The following PON3 variants were observed in gnomAD, a reference collection of about 807,000 sequenced individuals.
PON3 encodes the protein paraoxonase 3.
A neutral mutation model predicts 36.3 loss-of-function variants in PON3; 37 were observed. The ratio of observed to expected loss-of-function variants is 1.02; its 90% confidence interval spans 0.78 to 1.34. The LOEUF (loss-of-function observed/expected upper bound fraction) is 1.34, where lower values mean the gene tolerates loss of function less well. Among genes scored for constraint, PON3 ranks in the 40% most tolerant of loss-of-function variants. PON3 has a pLI of 0.00. For missense variants in PON3, 415 were observed against 426.5 expected (o/e 0.97, Z 0.24); for synonymous variants, 155 against 154.8 (o/e 1.00, Z -0.01).
At chr7:95,381,544 G>C (rs899511228) in intron 3 of PON3, among the ~76,000 whole-genome samples, 2 of 152,034 alleles carry the variant, frequency 1.3e-5, no homozygotes, top group African/African-American at 4.8e-5. Flanking sequence ...AAAGGCAGGG[G>C]TTGCAATCCT....
chr7:95,365,919 T>C (rs912831831), intron 5 of PON3: 5 of 152,162 alleles, frequency 3.3e-5, no homozygotes, highest in Admixed American at 2.0e-4. Flanking sequence ...TTAAGGGTAC[T>C]CTATTTCAGC....
intron 6 of PON3, 108 bp from the exon 7 acceptor site, chr7:95,362,949 G>T: frequency 2.6e-6 from 2 of 764,596 alleles, no homozygotes; most frequent in South Asian, 1.4e-5. Flanking sequence ...AAGTACCACT[G>T]CAATCCTTTT....
At position 95,362,799 on chromosome 7, in the gene PON3, T is replaced by C; in HGVS notation, c.738A>G (p.Ile246Met). The C allele has an allele frequency of 6.2e-7, 1 of 1,612,228 alleles. No homozygotes were observed. The change falls in exon 7 of 9, where the codon ATA (isoleucine) becomes ATG (methionine). Residue 246 changes from isoleucine to methionine, a missense_variant. Coordinates refer to ENST00000265627, the MANE Select transcript of PON3 (RefSeq NM_000940.3). Reference sequence around the variant, plus strand: ...AATCCCAGTTATCATGTTTTTCCATTATGTGAATGTTCTTAGCTGCTACAT... The same window carrying C: ...AATCCCAGTTATCATGTTTTTCCATCATGTGAATGTTCTTAGCTGCTACAT... Reference protein sequence around the residue: ...VADVAAKNIHIMEKHDNWDLT... With the variant: ...VADVAAKNIHMMEKHDNWDLT...
intron 3 of PON3, among the ~76,000 whole-genome samples, chr7:95,383,243 A>G (rs1809103734): frequency 6.6e-6 from 1 of 152,226 alleles, no homozygotes; most frequent in South Asian, 2.1e-4. Context: ...CACAGCCAAT[A>G]TCATACTGAA....
At chr7:95,377,113 C>T (rs529570528) in intron 3 of PON3, among the ~76,000 whole-genome samples, 5 of 152,352 alleles carry the variant, frequency 3.3e-5, no homozygotes, top group South Asian at 2.1e-4. Flanking sequence ...TCTGGCTCGG[C>T]GGGTTCTACG....
At chr7:95,365,563 G>T (rs1265519165) in intron 5 of PON3, 3 of 152,256 alleles carry the variant, frequency 2.0e-5, no homozygotes, top group East Asian at 3.9e-4. Flanking sequence ...CAAGCAGTCA[G>T]TTAGCAGCGG....
At chr7:95,381,726 A>G (rs1002831320) in intron 3 of PON3, among the ~76,000 whole-genome samples, 4 of 152,190 alleles carry the variant, frequency 2.6e-5, no homozygotes, top group African/African-American at 9.7e-5. Context: ...ACCTACAAAG[A>G]GACTTAGACT....
rs1808524641 is a variant in PON3, at chr7:95,359,889, C to T, written c.*84G>A. 4 of 1,412,686 alleles carry T rather than the reference C, an allele frequency of 2.8e-6. No individual in the cohort carries two copies. The highest frequency in any genetic ancestry group is 3.9e-6 in the Non-Finnish European group (4 of 1,028,562). 87.5% of individuals were successfully genotyped at this position (1,412,686 alleles called of 1,614,324 possible). On this transcript the variant is annotated 3_prime_UTR_variant, in exon 9 of 9. Coordinates refer to ENST00000265627, the MANE Select transcript of PON3 (RefSeq NM_000940.3). ...CTCACTGGTTGGTGTTTGCTATTTA[C>T]TTACAGTGCCACTTATCATACAATT...
intron 8 of PON3, among the ~76,000 whole-genome samples, chr7:95,360,435 C>T (rs1808542375): frequency 6.6e-6 from 1 of 152,086 alleles, no homozygotes; most frequent in African/African-American, 2.4e-5. Context: ...GGATGGTGGT[C>T]CTCCCTCTGT....
At chr7:95,370,979 C>T (rs537107060) in intron 4 of PON3, among the ~76,000 whole-genome samples, 1 of 152,310 alleles carries the variant, frequency 6.6e-6, no homozygotes, top group African/African-American at 2.4e-5. Flanking sequence ...TCCCCTGGCT[C>T]CTGCCAACAA....
chr7:95,372,416 G>T, intron 3 of PON3, 78 bp from the exon 4 acceptor site: 1 of 1,495,924 alleles, frequency 6.7e-7, no homozygotes, highest in Non-Finnish European at 9.2e-7. Context: ...AAATCTCAAA[G>T]CCAAATAAAA....
chr7:95,373,938 C>T (rs1022673632), intron 3 of PON3, among the ~76,000 whole-genome samples: 8 of 152,144 alleles, frequency 5.3e-5, no homozygotes, highest in Non-Finnish European at 1.0e-4. Context: ...CGCCTGAGCT[C>T]CACCTTCTGT....
At chr7:95,389,027 A>T (rs543836248) in intron 3 of PON3, among the ~76,000 whole-genome samples, 1 of 152,190 alleles carries the variant, frequency 6.6e-6, no homozygotes, top group Admixed American at 6.5e-5. Flanking sequence ...AGCATGGCAC[A>T]TGTATACCTA....
chr7:95,385,624 C>T (rs999311530), intron 3 of PON3, among the ~76,000 whole-genome samples: 6 of 152,186 alleles, frequency 3.9e-5, no homozygotes, highest in African/African-American at 1.4e-4. Context: ...ATGTTCTTCT[C>T]AGCACCACAT....
At chr7:95,367,551 GT>G (rs1808726260) in intron 4 of PON3, 63 bp from the exon 5 acceptor site, 4 of 1,579,672 alleles carry the variant, frequency 2.5e-6, no homozygotes, top group Non-Finnish European at 3.5e-6. Context: ...TATTAGACTT[GT>G]TTTAAAACTT....
intron 4 of PON3, among the ~76,000 whole-genome samples, chr7:95,371,393 A>T (rs1312827240): frequency 6.6e-6 from 1 of 152,174 alleles, no homozygotes; most frequent in African/African-American, 2.4e-5. Flanking sequence ...AAGTGGTTAC[A>T]TTATTTCACA....
intron 2 of PON3, among the ~76,000 whole-genome samples, chr7:95,393,276 G>A (rs2116426870): frequency 6.6e-6 from 1 of 152,302 alleles, no homozygotes; most frequent in East Asian, 1.9e-4. Context: ...ATCTGATAGT[G>A]AAAGAGAGAA....
At chr7:95,376,082 A>C (rs577857294) in intron 3 of PON3, among the ~76,000 whole-genome samples, 1 of 152,312 alleles carries the variant, frequency 6.6e-6, no homozygotes, top group South Asian at 2.1e-4. Flanking sequence ...GCAAGCACTT[A>C]AGTATGGTGT....
At chr7:95,386,183 G>A (rs1208950569) in intron 3 of PON3, among the ~76,000 whole-genome samples, 1 of 152,120 alleles carries the variant, frequency 6.6e-6, no homozygotes, top group Non-Finnish European at 1.5e-5. Context: ...AAAAATCAAT[G>A]AATGCAGGAG....
Sources: allele counts gnomAD v4.1 joint callset (sites outside exome capture counted in the v4.1 genomes callset), GRCh38; gene constraint gnomAD v4.1.1; transcripts MANE v1.5; gene names NCBI Gene and HGNC (gene_info 2026-07-23, HGNC 2026-07-21).